HMGCLL1: variants seen among roughly 807,000 people sequenced by gnomAD.
HMGCLL1 encodes the protein 3-hydroxymethyl-3-methylglutaryl-CoA lyase, cytoplasmic.
A neutral mutation model predicts 39.1 loss-of-function variants in HMGCLL1; 36 were observed. The ratio of observed to expected loss-of-function variants is 0.92; its 90% CI spans 0.71 to 1.22. HMGCLL1 has a LOEUF of 1.22. HMGCLL1 is among the 50% of genes most tolerant of loss of function. The probability of loss-of-function intolerance (pLI) is 0.00; values close to 1 mark genes in which losing one functional copy is unlikely to be tolerated. For synonymous variants in HMGCLL1, 149 were observed against 144.0 expected, an observed-to-expected ratio of 1.03 and a Z score of -0.25; for missense variants, 451 against 416.5, an observed-to-expected ratio of 1.08 and a Z score of -0.72.
In HMGCLL1 at chr6:55,467,439, T is replaced by A. The variant is rs114631708; in HGVS notation, c.796-27880A>T. On this transcript the variant is annotated intron_variant, in intron 7 of 8. Coordinates refer to ENST00000274901, the MANE Select transcript of HMGCLL1 (RefSeq NM_001042406.2). ...ACTATTTCATTTCTGCTCCACTTTA[T>A]ATCCAATCCCAACTAGAACGAAATT... Among the ~76,000 whole-genome samples, 583 of 152,212 alleles carry A rather than the reference T, an allele frequency of 3.8e-3. 4 individuals are homozygous for A. Among genetic ancestry groups the A allele is most frequent in the African/African-American group, 0.013 (556 of 41,558 alleles).
intron 3 of HMGCLL1, among the ~76,000 whole-genome samples, chr6:55,526,971 T>C (rs1324879266): frequency 1.3e-5 from 2 of 152,122 alleles, no homozygotes; most frequent in Non-Finnish European, 1.5e-5. Flanking sequence ...CAGAACTAGA[T>C]AGTGATATTA....
At chr6:55,459,786 C>A (rs1764478471) in intron 7 of HMGCLL1, among the ~76,000 whole-genome samples, 1 of 151,794 alleles carries the variant, frequency 6.6e-6, no homozygotes. Context: ...AAACACTTTT[C>A]AAATTTCACT....
intron 5 of HMGCLL1, 46 bp from the exon 6 acceptor site, chr6:55,499,345 C>A: frequency 1.5e-6 from 2 of 1,353,928 alleles, no homozygotes; most frequent in Non-Finnish European, 2.0e-6. Flanking sequence ...GGTAAATAAG[C>A]CATTTCCATT....
At chr6:55,625,525 A>G in the HMGCLL1 span, among the ~76,000 whole-genome samples, 76 of 152,176 alleles carry the variant, frequency 5.0e-4, no homozygotes, top group East Asian at 0.012. Flanking sequence ...GGTTCTGCAC[A>G]ATATTCAGGC....
At chr6:55,590,573 C>A in the HMGCLL1 span, among the ~76,000 whole-genome samples, 13 of 152,066 alleles carry the variant, frequency 8.5e-5, no homozygotes, top group African/African-American at 3.1e-4. Context: ...AACTAAAGAG[C>A]CTCTGCACAG....
intron 1 of HMGCLL1, among the ~76,000 whole-genome samples, chr6:55,548,387 C>A (rs1770114150): frequency 6.6e-6 from 1 of 151,938 alleles, no homozygotes; most frequent in South Asian, 2.1e-4. Context: ...TAAATAAATA[C>A]AAGTTTCTCC....
intron 1 of HMGCLL1, among the ~76,000 whole-genome samples, chr6:55,574,543 T>G (rs1434230084): frequency 1.3e-5 from 2 of 151,818 alleles, no homozygotes; most frequent in South Asian, 4.1e-4. Context: ...CACTAACATG[T>G]CAATTCAGGG....
the HMGCLL1 span, among the ~76,000 whole-genome samples, chr6:55,597,762 T>C: frequency 6.6e-6 from 1 of 152,052 alleles, no homozygotes. Context: ...TTTGTAAAAA[T>C]GGAAAATGGA....
chr6:55,598,819 A>G, the HMGCLL1 span, among the ~76,000 whole-genome samples: 1 of 152,204 alleles, frequency 6.6e-6, no homozygotes, highest in Non-Finnish European at 1.5e-5. Flanking sequence ...AACTCTTTCC[A>G]ATTCATGTAA....
the HMGCLL1 span, among the ~76,000 whole-genome samples, chr6:55,623,214 A>T: frequency 6.6e-6 from 1 of 151,106 alleles, no homozygotes; most frequent in African/African-American, 2.4e-5. Context: ...AATTTTGGTG[A>T]TTTTTTTCAT....
At chr6:55,626,088 G>T in the HMGCLL1 span, among the ~76,000 whole-genome samples, 16 of 152,240 alleles carry the variant, frequency 1.1e-4, no homozygotes, top group South Asian at 8.3e-4. Context: ...CAGCAGCAGA[G>T]ACCAACACTG....
At chr6:55,539,921 AAG>A (rs1769267816) in intron 3 of HMGCLL1, among the ~76,000 whole-genome samples, 1 of 135,092 alleles carries the variant, frequency 7.4e-6, no homozygotes, top group Non-Finnish European at 1.6e-5. Context: ...AAAGAAAGAA[AAG>A]GAGGATGAGG....
At chr6:55,639,106 A>G in the HMGCLL1 span, among the ~76,000 whole-genome samples, 1 of 152,092 alleles carries the variant, frequency 6.6e-6, no homozygotes, top group African/African-American at 2.4e-5. Context: ...TTTCTTATTC[A>G]TGAAATGATG....
At chr6:55,618,373 A>G in the HMGCLL1 span, among the ~76,000 whole-genome samples, 1 of 152,056 alleles carries the variant, frequency 6.6e-6, no homozygotes, top group Non-Finnish European at 1.5e-5. Context: ...ATGGTGGCCT[A>G]TAGAGCAAAT....
At chr6:55,678,048 C>T in the HMGCLL1 span, among the ~76,000 whole-genome samples, 2 of 152,146 alleles carry the variant, frequency 1.3e-5, no homozygotes, top group African/African-American at 4.8e-5. Context: ...AGACTCTTCT[C>T]ATAATACCAT....
chr6:55,503,204 T>C (rs9396101), intron 5 of HMGCLL1, among the ~76,000 whole-genome samples: 102,391 of 151,604 alleles, frequency 0.68, 34,606 homozygotes, highest in Non-Finnish European at 0.7. Context: ...CTTAATTTCT[T>C]AATTTGGGTT....
intron 7 of HMGCLL1, among the ~76,000 whole-genome samples, chr6:55,493,093 T>C (rs57524392): frequency 6.7e-4 from 101 of 150,752 alleles, no homozygotes; most frequent in African/African-American, 2.3e-3. Context: ...TATGTATATA[T>C]TAATAATGTA....
chr6:55,642,357 C>T, the HMGCLL1 span, among the ~76,000 whole-genome samples: 7 of 151,582 alleles, frequency 4.6e-5, no homozygotes, highest in African/African-American at 1.2e-4. Flanking sequence ...TGAATAATGC[C>T]GCACTTAATC....
chr6:55,573,888 G>T (rs1346289880), intron 1 of HMGCLL1, among the ~76,000 whole-genome samples: 1 of 152,044 alleles, frequency 6.6e-6, no homozygotes, highest in Non-Finnish European at 1.5e-5. Flanking sequence ...AGTATGCCTA[G>T]ATATGCCATA....
Sources: gnomAD v4.1 joint callset for allele counts (sites outside exome capture counted in the v4.1 genomes callset) on GRCh38, gnomAD v4.1.1 for gene constraint, MANE v1.5 for transcripts, NCBI Gene and HGNC (gene_info 2026-07-23, HGNC 2026-07-21) for gene names.